CHN2: variants seen among roughly 807,000 people sequenced by gnomAD.
CHN2 encodes beta-chimaerin.
In CHN2, 35 loss-of-function variants were observed where a neutral mutation model predicts 56.3. That is an observed-to-expected ratio of 0.62 (90% CI 0.47 to 0.82). The LOEUF (loss-of-function observed/expected upper bound fraction) is 0.82, where lower values mean the gene tolerates loss of function less well. CHN2 is among the 40% of genes least tolerant of loss of function. The pLI is 0.00. For missense variants in CHN2, 491 were observed against 580.5 expected (o/e 0.85, Z 1.58); for synonymous variants, 210 against 212.8 (o/e 0.99, Z 0.12).
intron 1 of CHN2, among the ~76,000 whole-genome samples, chr7:29,303,077 G>A (rs56301345): frequency 6.6e-6 from 1 of 151,948 alleles, no homozygotes; most frequent in Admixed American, 6.6e-5. Flanking sequence ...TCACATCAGG[G>A]GCAACAGGCT....
At chr7:29,276,416 G>A (rs1227446286) in intron 1 of CHN2, among the ~76,000 whole-genome samples, 1 of 152,186 alleles carries the variant, frequency 6.6e-6, no homozygotes, top group Non-Finnish European at 1.5e-5. Flanking sequence ...GCAGTTTGGT[G>A]GAGCAGGATG....
intron 1 of CHN2, among the ~76,000 whole-genome samples, chr7:29,350,463 A>G (rs1432289585): frequency 6.6e-5 from 10 of 152,198 alleles, no homozygotes; most frequent in Non-Finnish European, 1.5e-5. Flanking sequence ...GCCTCCTGAC[A>G]GTGTGCTTTA....
intron 6 of CHN2, among the ~76,000 whole-genome samples, chr7:29,420,246 A>G (rs1008355394): frequency 6.6e-6 from 1 of 152,234 alleles, no homozygotes; most frequent in East Asian, 1.9e-4. Context: ...GAATCACCAT[A>G]TGATCTAACA....
At chr7:29,483,571 A>C (rs1323950048) in intron 7 of CHN2, among the ~76,000 whole-genome samples, 1 of 152,226 alleles carries the variant, frequency 6.6e-6, no homozygotes, top group Non-Finnish European at 1.5e-5. Context: ...TGGTGAAATT[A>C]ACAGACTCCT....
intron 1 of CHN2, among the ~76,000 whole-genome samples, chr7:29,331,403 A>C (rs1018853158): frequency 1.3e-5 from 2 of 152,222 alleles, no homozygotes; most frequent in African/African-American, 4.8e-5. Flanking sequence ...GGCTAGAGCC[A>C]CAGAAGAGGA....
At chr7:29,174,153 G>A (rs1460153925) in intron 2 of CHN2, among the ~76,000 whole-genome samples, 5 of 152,220 alleles carry the variant, frequency 3.3e-5, no homozygotes, top group South Asian at 2.1e-4. Context: ...TGGTGGCACA[G>A]GATGCAGGAG....
At chr7:29,353,725 A>C (rs1798070622) in intron 1 of CHN2, among the ~76,000 whole-genome samples, 1 of 152,208 alleles carries the variant, frequency 6.6e-6, no homozygotes, top group South Asian at 2.1e-4. Context: ...GCGGTAGAGG[A>C]TGATGAGAAC....
At chr7:29,340,401 G>T (rs570387832) in intron 1 of CHN2, among the ~76,000 whole-genome samples, 170 of 87,728 alleles carry the variant, frequency 1.9e-3, no homozygotes, top group African/African-American at 5.2e-3. Flanking sequence ...GGGTTGCTTG[G>T]GGGGGGGCCT....
chr7:29,370,715 G>A (rs938171687), intron 3 of CHN2, among the ~76,000 whole-genome samples: 40 of 152,138 alleles, frequency 2.6e-4, no homozygotes, highest in Admixed American at 1.8e-3. Flanking sequence ...AGCAAAGTGT[G>A]CAATTAGAGA....
At chr7:29,389,943 A>G (rs1801227329) in intron 3 of CHN2, among the ~76,000 whole-genome samples, 1 of 151,340 alleles carries the variant, frequency 6.6e-6, no homozygotes, top group African/African-American at 2.4e-5. Context: ...AATCCCAGCT[A>G]CTCAGGAGGC....
chr7:29,414,337 A>G (rs1803526804), intron 6 of CHN2, among the ~76,000 whole-genome samples: 1 of 152,200 alleles, frequency 6.6e-6, no homozygotes, highest in Non-Finnish European at 1.5e-5. Context: ...TTTCCCCTCC[A>G]GTAAGTTCGG....
At chr7:29,353,380 G>T (rs865802926) in intron 1 of CHN2, among the ~76,000 whole-genome samples, 4 of 152,224 alleles carry the variant, frequency 2.6e-5, no homozygotes, top group African/African-American at 4.8e-5. Context: ...ACAGCCAGGC[G>T]CAGTGGCTCA....
chr7:29,364,517 G>C (rs1251429269), intron 2 of CHN2, among the ~76,000 whole-genome samples: 1 of 152,172 alleles, frequency 6.6e-6, no homozygotes, highest in Non-Finnish European at 1.5e-5. Context: ...GTGATTTTAG[G>C]AGATGGCCAT....
At chr7:29,348,178 G>A (rs1797607090) in intron 1 of CHN2, among the ~76,000 whole-genome samples, 1 of 152,092 alleles carries the variant, frequency 6.6e-6, no homozygotes, top group Admixed American at 6.5e-5. Context: ...ATTCCCTATT[G>A]CCCCGATTGT....
intron 2 of CHN2, among the ~76,000 whole-genome samples, chr7:29,365,699 G>A (rs1345225558): frequency 6.6e-6 from 1 of 152,202 alleles, no homozygotes; most frequent in Non-Finnish European, 1.5e-5. Context: ...ACTTGGCTGA[G>A]CAGAGAGCAT....
intron 2 of CHN2, among the ~76,000 whole-genome samples, chr7:29,187,405 ATATTAT>A (rs2128750274): frequency 6.6e-6 from 1 of 152,088 alleles, no homozygotes; most frequent in South Asian, 2.1e-4. Context: ...GTACTCTGTT[ATATTAT>A]ACATGCCACT....
At chr7:29,481,960 A>G (rs1031450567) in intron 7 of CHN2, among the ~76,000 whole-genome samples, 1 of 152,228 alleles carries the variant, frequency 6.6e-6, no homozygotes, top group African/African-American at 2.4e-5. Context: ...ACAAATATAC[A>G]TAGTTGATAT....
chr7:29,469,074 AT>A (rs1334758802), intron 6 of CHN2, among the ~76,000 whole-genome samples: 1 of 152,044 alleles, frequency 6.6e-6, no homozygotes, highest in African/African-American at 2.4e-5. Context: ...TCTTCATCTC[AT>A]TTAATGGAAA....
chr7:29,426,432 A>G (rs1804873328), intron 6 of CHN2, among the ~76,000 whole-genome samples: 1 of 152,174 alleles, frequency 6.6e-6, no homozygotes, highest in Admixed American at 6.6e-5. Context: ...TTTTGTTTGT[A>G]TAGGAGAACT....
Sources: gnomAD v4.1 joint callset for allele counts (sites outside exome capture counted in the v4.1 genomes callset) on GRCh38, gnomAD v4.1.1 for gene constraint, MANE v1.5 for transcripts, NCBI Gene and HGNC (gene_info 2026-07-23, HGNC 2026-07-21) for gene names.